Variants in KIRREL3 observed in about 807,000 individuals in gnomAD.
KIRREL3 encodes kirre like nephrin family adhesion molecule 3, also known as kin of IRRE-like protein 3.
KIRREL3 carries 36 observed loss-of-function variants against 89.7 expected under a neutral mutation model. The ratio of observed to expected loss-of-function variants is 0.40; its 90% CI spans 0.31 to 0.53. KIRREL3 has a LOEUF of 0.53. Among genes scored for constraint, KIRREL3 ranks in the 20% least tolerant of loss-of-function variants. KIRREL3 has a pLI of 0.49. For synonymous variants in KIRREL3, 445 were observed against 441.4 expected (o/e 1.01, Z -0.10); for missense variants, 864 against 1,056.6 (o/e 0.82, Z 2.53).
upstream of KIRREL3, among the ~76,000 whole-genome samples, chr11:127,001,578 A>G (rs1303394487): frequency 1.3e-5 from 2 of 152,122 alleles, no homozygotes; most frequent in African/African-American, 2.4e-5. Context: ...CCAATTGCAA[A>G]GGAGAGGCCA....
chr11:126,441,447 AAAG>A lies in KIRREL3; in HGVS notation c.1253-901_1253-899del, dbSNP rs1955559082. Among the ~76,000 whole-genome samples the A allele has an allele frequency of 6.6e-6, 1 of 152,206 alleles. No homozygotes were observed. The highest frequency in any genetic ancestry group is 2.1e-4 in the South Asian group (1 of 4,836). On this transcript the variant is annotated intron_variant, in intron 10 of 16. Coordinates refer to ENST00000525144, the MANE Select transcript of KIRREL3 (RefSeq NM_032531.4). The surrounding 1 kb of genome is among the most constrained non-coding windows in gnomAD (Gnocchi z 5.0). ...GACGCCTGCCTGGCCGTGAAAGACA[AAAG>A]AAGGAGCAGCTAGCTTAGCCTGGGC...
At chr11:126,451,405 T>TGA (rs1309150732) in intron 7 of KIRREL3, among the ~76,000 whole-genome samples, 6 of 114,388 alleles carry the variant, frequency 5.2e-5, no homozygotes, top group African/African-American at 1.4e-4. Context: ...TGTGCATGTG[T>TGA]GCATGTGTGT....
chr11:126,431,564 G>T lies in KIRREL3; in HGVS notation c.1589-38C>A. 1 of 1,582,738 alleles carries T rather than the reference G, an allele frequency of 6.3e-7. No individual in the cohort carries two copies. Among genetic ancestry groups the T allele is most frequent in the African/African-American group, 1.3e-5 (1 of 74,460 alleles). ...AGCGGGCACAGCTGATGACGGATGG[G>T]GAATGGCCTACTATCCCCCCATGAT... is the stretch of plus-strand genomic sequence containing the variant. On this transcript the variant is annotated intron_variant, in intron 13 of 16. Coordinates refer to ENST00000525144, the MANE Select transcript of KIRREL3 (RefSeq NM_032531.4). The surrounding 1 kb of genome is among the most constrained non-coding windows in gnomAD (Gnocchi z 7.1).
At position 126,489,106 on chromosome 11, in the gene KIRREL3, TG is replaced by T. The variant is rs1382433329; in HGVS notation, c.434-15641del. ...TGGAGCGCAGCAGTCAGTCTCATCCTGGGGTGCATCCCAGGGCTCAGCCTGG... is the reference window on the plus strand; with the variant it reads ...TGGAGCGCAGCAGTCAGTCTCATCCTGGGTGCATCCCAGGGCTCAGCCTGG... On this transcript the variant is annotated intron_variant, in intron 4 of 16. Transcript: ENST00000525144. This position sits in a 1 kb window ranked among gnomAD's most constrained non-coding sequence, Gnocchi z 5.5. Among the ~76,000 whole-genome samples, 3 of 152,216 alleles carry T rather than the reference TG, an allele frequency of 2.0e-5. No homozygotes were observed. The highest frequency in any genetic ancestry group is 4.4e-5 in the Non-Finnish European group (3 of 68,026).
Position 126,924,457 on chromosome 11 carries a change from A to C in KIRREL3, c.55+75998T>G, listed in dbSNP as rs2135014210. On this transcript the variant is annotated intron_variant, in intron 1 of 16. Transcript: ENST00000525144. This position sits in a 1 kb window ranked among gnomAD's most constrained non-coding sequence, Gnocchi z 4.7. Reference sequence around the variant, plus strand: ...GGGATCTAAAATAAAGAGGATTTCCAGGCACACGGGAAGTCTAACACCCAT... The same window carrying C: ...GGGATCTAAAATAAAGAGGATTTCCCGGCACACGGGAAGTCTAACACCCAT... 6.6e-6 allele frequency among the ~76,000 whole-genome samples: 1 copy of C among 152,316 alleles called. No homozygotes were observed. Among genetic ancestry groups the C allele is most frequent in the Non-Finnish European group, 1.5e-5 (1 of 68,026 alleles).
At position 126,521,286 on chromosome 11, in the gene KIRREL3, T is replaced by C; in HGVS notation, c.433+29A>G. The C allele has an allele frequency of 6.6e-7, 1 of 1,515,228 alleles. No homozygotes were observed. 93.9% of individuals were successfully genotyped at this position (1,515,228 alleles called of 1,614,324 possible). A position where few individuals can be genotyped will look rare whatever the true frequency, so the allele number is the denominator to read the frequency against. On this transcript the variant is annotated intron_variant, in intron 4 of 16. Coordinates refer to ENST00000525144, the MANE Select transcript of KIRREL3 (RefSeq NM_032531.4). This position sits in a 1 kb window ranked among gnomAD's most constrained non-coding sequence, Gnocchi z 4.1. ...TGAGCCCTTGGTGCTTCACGCAGTG[T>C]CCCAGCCCCGTGTGCAGATGGTTCT...
chr11:126,543,124 C>T (rs1938505266), intron 2 of KIRREL3, among the ~76,000 whole-genome samples: 1 of 152,180 alleles, frequency 6.6e-6, no homozygotes, highest in Admixed American at 6.5e-5. Flanking sequence ...CCTCTCCTGT[C>T]ACCCCCCAAA....
intron 1 of KIRREL3, among the ~76,000 whole-genome samples, chr11:126,819,024 G>T (rs1951679989): frequency 6.6e-6 from 1 of 152,212 alleles, no homozygotes; most frequent in African/African-American, 2.4e-5. Flanking sequence ...GAGGCCGCTA[G>T]GGGTAGAGGC....
At chr11:126,598,896 C>T (rs1026885025) in intron 1 of KIRREL3, among the ~76,000 whole-genome samples, 10 of 152,216 alleles carry the variant, frequency 6.6e-5, no homozygotes, top group Admixed American at 2.0e-4. Context: ...CTAGAATGTT[C>T]TCAACCCCAG....
In KIRREL3 at chr11:126,802,645, C is replaced by T. The variant is rs555196444; in HGVS notation, c.55+197810G>A. 1.3e-5 allele frequency among the ~76,000 whole-genome samples: 2 copies of T among 152,252 alleles called. No individual in the cohort carries two copies. Among genetic ancestry groups the T allele is most frequent in the East Asian group, 3.9e-4 (2 of 5,170 alleles). On this transcript the variant is annotated intron_variant, in intron 1 of 16. Transcript: ENST00000525144. The surrounding 1 kb of genome is among the most constrained non-coding windows in gnomAD (Gnocchi z 5.2). ...GTGTCCTGTCGGGGGCTGGCTCCCGCCTGGCACCCTGAGCTGCTGGGACAG... is the reference window on the plus strand; with the variant it reads ...GTGTCCTGTCGGGGGCTGGCTCCCGTCTGGCACCCTGAGCTGCTGGGACAG...
chr11:126,912,312 C>A lies in KIRREL3; in HGVS notation c.55+88143G>T, dbSNP rs1946857455. Among the ~76,000 whole-genome samples the A allele has an allele frequency of 6.6e-6, 1 of 152,172 alleles. No homozygotes were observed. Among genetic ancestry groups the A allele is most frequent in the African/African-American group, 2.4e-5 (1 of 41,434 alleles). On this transcript the variant is annotated intron_variant, in intron 1 of 16. Coordinates refer to ENST00000525144, the MANE Select transcript of KIRREL3 (RefSeq NM_032531.4). The surrounding 1 kb of genome is among the most constrained non-coding windows in gnomAD (Gnocchi z 4.7). The stretch of plus-strand genomic sequence containing the variant: ...TCTGAGGACCTGCAGGTGCTGCCCA[C>A]ATGTGCCCTGGGCTGGTCCTCCCTC...
intron 1 of KIRREL3, among the ~76,000 whole-genome samples, chr11:126,858,462 AG>A (rs1166059701): frequency 6.6e-6 from 1 of 152,160 alleles, no homozygotes; most frequent in Non-Finnish European, 1.5e-5. Context: ...CGTCAGCAAA[AG>A]AGAATAATCT....
intron 1 of KIRREL3, among the ~76,000 whole-genome samples, chr11:126,692,806 C>G (rs1467228566): frequency 3.9e-5 from 6 of 152,148 alleles, no homozygotes; most frequent in Non-Finnish European, 7.4e-5. Context: ...ATAGAAAAAA[C>G]AGAAAGTAGG....
chr11:126,866,258 G>C (rs531421890), intron 1 of KIRREL3, among the ~76,000 whole-genome samples: 1 of 152,368 alleles, frequency 6.6e-6, no homozygotes, highest in East Asian at 1.9e-4. Flanking sequence ...GAAAGTGGTT[G>C]ATGTCTTGCA....
At chr11:126,533,357 T>C (rs1959001673) in intron 2 of KIRREL3, among the ~76,000 whole-genome samples, 1 of 152,142 alleles carries the variant, frequency 6.6e-6, no homozygotes. Context: ...CAGGAACTCA[T>C]AGAACCCACC....
Position 126,710,509 on chromosome 11 carries a change from A to C in KIRREL3, c.56-147597T>G, listed in dbSNP as rs1372762031. Among the ~76,000 whole-genome samples, 1 of 152,146 alleles carries C rather than the reference A, an allele frequency of 6.6e-6. No homozygotes were observed. Among genetic ancestry groups the C allele is most frequent in the Non-Finnish European group, 1.5e-5 (1 of 68,016 alleles). ...CTAATGAGATGAGAATACATTCTTT[A>C]AAGCTCCAGTTAACGTGTATGCAGA... is the stretch of plus-strand genomic sequence containing the variant. On this transcript the variant is annotated intron_variant, in intron 1 of 16. Coordinates refer to ENST00000525144, the MANE Select transcript of KIRREL3 (RefSeq NM_032531.4). This position sits in a 1 kb window ranked among gnomAD's most constrained non-coding sequence, Gnocchi z 4.2.
chr11:126,734,864 T>C lies in KIRREL3; in HGVS notation c.56-171952A>G, dbSNP rs895244662. Among the ~76,000 whole-genome samples the C allele has an allele frequency of 4.6e-5, 7 of 151,456 alleles. No individual in the cohort carries two copies. The highest frequency in any genetic ancestry group is 1.3e-4 in the Admixed American group (2 of 15,200). On this transcript the variant is annotated intron_variant, in intron 1 of 16. Coordinates refer to ENST00000525144, the MANE Select transcript of KIRREL3 (RefSeq NM_032531.4). The surrounding 1 kb of genome is among the most constrained non-coding windows in gnomAD (Gnocchi z 5.9). ...TTGAAGAATGAATGGGAGTTAGGGG[T>C]GGTTGGGGAGGACAGTGTTAATTGT...
At chr11:126,446,355 T>TC (rs1303572992) in intron 9 of KIRREL3, among the ~76,000 whole-genome samples, 25 of 150,446 alleles carry the variant, frequency 1.7e-4, no homozygotes, top group East Asian at 7.8e-4. Flanking sequence ...TTCTTTTTTT[T>TC]CCCCAAGGTC....
intron 1 of KIRREL3, among the ~76,000 whole-genome samples, chr11:126,762,330 C>T (rs192811693): frequency 1.9e-3 from 289 of 152,252 alleles, no homozygotes; most frequent in Non-Finnish European, 3.3e-3. Context: ...AGGTTAGGTA[C>T]CCAAGGCAGA....
Sources: gnomAD v4.1 joint callset for allele counts (sites outside exome capture counted in the v4.1 genomes callset) on GRCh38, gnomAD v4.1.1 for gene constraint, Gnocchi (gnomAD v3.1) non-coding constraint, MANE v1.5 for transcripts, NCBI Gene and HGNC (gene_info 2026-07-23, HGNC 2026-07-21) for gene names.